Variants in KLRG2 observed in about 807,000 individuals in gnomAD.
KLRG2 encodes the protein killer cell lectin-like receptor subfamily G member 2.
KLRG2 carries 39 observed loss-of-function variants against 35.4 expected under a neutral mutation model. That is an observed-to-expected ratio of 1.10 (90% CI 0.85 to 1.44). KLRG2 has a LOEUF of 1.44. Among genes scored for constraint, KLRG2 ranks in the 40% most tolerant of loss-of-function variants. The pLI, the probability that KLRG2 is intolerant of heterozygous loss-of-function variation, is 0.00. For synonymous variants in KLRG2, 283 were observed against 265.8 expected (o/e 1.06, Z -0.63); for missense variants, 632 against 570.9 (o/e 1.11, Z -1.09).
the KLRG2 span, among the ~76,000 whole-genome samples, chr7:139,438,779 G>C: frequency 6.6e-6 from 1 of 151,620 alleles, no homozygotes; most frequent in Non-Finnish European, 1.5e-5. Context: ...AGGTGCAAGT[G>C]ATTCTCCTGC....
chr7:139,445,081 A>G, the KLRG2 span, among the ~76,000 whole-genome samples: 1 of 142,660 alleles, frequency 7.0e-6, no homozygotes, highest in Admixed American at 7.0e-5. Flanking sequence ...CACTATTTCT[A>G]TTTTTTTTTT....
chr7:139,433,625 CTT>C, the KLRG2 span, among the ~76,000 whole-genome samples: 42 of 118,952 alleles, frequency 3.5e-4, no homozygotes, highest in African/African-American at 8.9e-4. Context: ...TGCGCCCGGC[CTT>C]TTTTTTTTTT....
intron 3 of KLRG2, among the ~76,000 whole-genome samples, chr7:139,478,799 C>A (rs1468618551): frequency 6.6e-6 from 1 of 152,192 alleles, no homozygotes; most frequent in African/African-American, 2.4e-5. Flanking sequence ...CTCCCTCTCC[C>A]ATGGGGATGG....
Position 139,483,012 on chromosome 7 carries a change from C to G in KLRG2, c.631G>C (p.Gly211Arg). The G allele has an allele frequency of 7.3e-7, 1 of 1,372,804 alleles. No homozygotes were observed. The highest frequency in any genetic ancestry group is 9.3e-7 in the Non-Finnish European group (1 of 1,071,096). The allele number at this position is 1,372,804 out of a possible 1,614,324, so 85.0% of individuals were successfully genotyped here. The change falls in exon 1 of 5, where the codon GGC (glycine) becomes CGC (arginine). Residue 211 changes from glycine to arginine, a missense_variant. Gly to Arg is a moderately radical substitution (Grantham distance 125, BLOSUM62 -2). Coordinates refer to ENST00000340940, the MANE Select transcript of KLRG2 (RefSeq NM_198508.4). ...GRASPAEGSAGSPGSPTCCRC... is the reference protein window; with the variant it reads ...GRASPAEGSARSPGSPTCCRC... ...CAGCACGTGGGGGAGCCCGGGGAGC[C>G]GGCGCTTCCTTCCGCGGGGCTGGCC...
chr7:139,453,771 C>G, intron 4 of KLRG2, 64 bp from the exon 5 acceptor site: 2 of 1,594,012 alleles, frequency 1.3e-6, no homozygotes, highest in Non-Finnish European at 1.7e-6. Flanking sequence ...GCTTCCCAGC[C>G]AGACCCTCCA....
At chr7:139,480,047 A>C in intron 2 of KLRG2, 99 bp downstream of exon 2, 1 of 883,442 alleles carries the variant, frequency 1.1e-6, no homozygotes, top group Non-Finnish European at 1.9e-6. Context: ...TGCATCTCCC[A>C]GTGTCTCTTT....
chr7:139,464,968 C>T (rs1459780057), intron 3 of KLRG2, among the ~76,000 whole-genome samples: 1 of 152,260 alleles, frequency 6.6e-6, no homozygotes, highest in Admixed American at 6.5e-5. Flanking sequence ...GTTACTGGCC[C>T]GGACTTCAAT....
At chr7:139,432,222 G>A in the KLRG2 span, among the ~76,000 whole-genome samples, 1 of 152,028 alleles carries the variant, frequency 6.6e-6, no homozygotes, top group African/African-American at 2.4e-5. Context: ...CAGGCACAGT[G>A]GCCTGTGCCC....
chr7:139,449,100 C>T (rs1284808261), downstream of KLRG2, among the ~76,000 whole-genome samples: 26 of 142,234 alleles, frequency 1.8e-4, no homozygotes, highest in African/African-American at 5.6e-4. Flanking sequence ...AGGGACACTC[C>T]GTCTCAAAAA....
chr7:139,452,964 C>T lies in KLRG2; in HGVS notation c.*623G>A, dbSNP rs1231774924. The T allele has an allele frequency of 6.5e-6, 1 of 152,964 alleles. No individual in the cohort carries two copies. Among genetic ancestry groups the T allele is most frequent in the Admixed American group, 6.5e-5 (1 of 15,288 alleles). 9.5% of individuals were successfully genotyped at this position (152,964 alleles called of 1,614,324 possible). On this transcript the variant is annotated 3_prime_UTR_variant, in exon 5 of 5. Coordinates refer to ENST00000340940, the MANE Select transcript of KLRG2 (RefSeq NM_198508.4). ...AGCGTGCCAGGGGCTGGCCAGCCCA[C>T]ATGCGGGATCTCCACCCAGAACCTT...
intron 3 of KLRG2, among the ~76,000 whole-genome samples, chr7:139,459,993 G>A (rs1453080214): frequency 2.0e-5 from 3 of 152,010 alleles, no homozygotes; most frequent in South Asian, 2.1e-4. Context: ...CTCATGATCC[G>A]CCCGCCTCGG....
At chr7:139,465,251 ATAT>A (rs1292193790) in intron 3 of KLRG2, among the ~76,000 whole-genome samples, 1 of 152,216 alleles carries the variant, frequency 6.6e-6, no homozygotes, top group Non-Finnish European at 1.5e-5. Context: ...CTACGCATCG[ATAT>A]TTATATTGAC....
chr7:139,468,787 G>T (rs1265618214), intron 3 of KLRG2, among the ~76,000 whole-genome samples: 1 of 152,174 alleles, frequency 6.6e-6, no homozygotes, highest in Non-Finnish European at 1.5e-5. Context: ...TCATATGTGG[G>T]TGCCCTAACC....
chr7:139,470,652 G>A (rs1429466981), intron 3 of KLRG2, among the ~76,000 whole-genome samples: 1 of 152,070 alleles, frequency 6.6e-6, no homozygotes, highest in African/African-American at 2.4e-5. Context: ...TTAGCTGGGT[G>A]TGGTGGCACA....
chr7:139,473,582 AAAC>A (rs1371980085), intron 3 of KLRG2, among the ~76,000 whole-genome samples: 1 of 152,198 alleles, frequency 6.6e-6, no homozygotes, highest in Non-Finnish European at 1.5e-5. Flanking sequence ...TGCAAAAGAC[AAAC>A]AATAAACAGA....
At chr7:139,439,728 AGGGGAT>A in the KLRG2 span, among the ~76,000 whole-genome samples, 1 of 152,114 alleles carries the variant, frequency 6.6e-6, no homozygotes, top group Admixed American at 6.6e-5. Flanking sequence ...TCAGCACAGG[AGGGGAT>A]GCAGATGTTG....
the KLRG2 span, among the ~76,000 whole-genome samples, chr7:139,436,344 C>T: frequency 2.0e-5 from 3 of 152,144 alleles, no homozygotes; most frequent in Non-Finnish European, 2.9e-5. Context: ...GGGAACCCCC[C>T]CCTTCACACC....
At chr7:139,472,283 A>AAAAC (rs61416846) in intron 3 of KLRG2, among the ~76,000 whole-genome samples, 1 of 152,174 alleles carries the variant, frequency 6.6e-6, no homozygotes, top group African/African-American at 2.4e-5. Context: ...AGCCAGGAAT[A>AAAAC]AAACAAACAA....
chr7:139,449,095 C>A (rs1345391895), downstream of KLRG2, among the ~76,000 whole-genome samples: 1 of 123,152 alleles, frequency 8.1e-6, no homozygotes, highest in Non-Finnish European at 1.7e-5. Flanking sequence ...GACAGAGGGA[C>A]ACTCCGTCTC....
Sources: gnomAD v4.1 joint callset for allele counts (sites outside exome capture counted in the v4.1 genomes callset) on GRCh38, gnomAD v4.1.1 for gene constraint, MANE v1.5 for transcripts, NCBI Gene and HGNC (gene_info 2026-07-23, HGNC 2026-07-21) for gene names.